The following GRAMD2A variants were observed in gnomAD, a reference collection of about 807,000 sequenced individuals.
GRAMD2A encodes the protein GRAM domain-containing protein 2A.
Under a neutral mutation model 51.1 loss-of-function variants are expected in GRAMD2A, and 37 were observed. The ratio of observed to expected loss-of-function variants is 0.72; its 90% CI spans 0.56 to 0.95. GRAMD2A has a LOEUF of 0.95. GRAMD2A is among the 40% of genes least tolerant of loss of function. The pLI is 0.00. For synonymous variants in GRAMD2A, 136 were observed against 157.1 expected (o/e 0.87, Z 1.01); for missense variants, 414 against 426.9 (o/e 0.97, Z 0.27).
chr15:72,186,928 C>T lies in GRAMD2A; in HGVS notation c.41+10803G>A, dbSNP rs2081738151. Among the ~76,000 whole-genome samples, 3 of 151,618 alleles carry T rather than the reference C, an allele frequency of 2.0e-5. No homozygotes were observed. The South Asian group carries it at 6.3e-4, about 32-fold the overall frequency. ...TTGAGAAGCCGAGACAGGTGGATCA[C>T]CTGAGCTCAGGAGTTCGAGACCAGC... On this transcript the variant is annotated intron_variant, in intron 1 of 11. Coordinates refer to ENST00000309731, the MANE Select transcript of GRAMD2A (RefSeq NM_001012642.3).
Position 72,162,300 on chromosome 15 carries a change from C to T in GRAMD2A, c.1034G>A (p.Ser345Asn). The change falls in exon 11 of 12, where the codon AGT becomes AAT. Residue 345 changes from serine to asparagine, a missense_variant. Coordinates refer to ENST00000309731, the MANE Select transcript of GRAMD2A (RefSeq NM_001012642.3). ...SRLEQQLCSL[S>N]WDDPVPGHR is the part of the protein sequence containing the mutation. ...GTGCCCAGGGACTGGGTCATCCCAA[C>T]TCAAGGAGCATAACTGCTGCTCTAG... 2 of 1,614,052 alleles carry T rather than the reference C, an allele frequency of 1.2e-6. No homozygotes were observed. The highest frequency in any genetic ancestry group is 1.7e-6 in the Non-Finnish European group (2 of 1,179,894).
intron 4 of GRAMD2A, 37 bp from the exon 5 acceptor site, chr15:72,167,876 G>A (rs936865232): frequency 1.3e-6 from 2 of 1,484,736 alleles, no homozygotes; most frequent in African/African-American, 2.8e-5. Flanking sequence ...CCATAAGCAA[G>A]GTCAGCCCAG....
intron 1 of GRAMD2A, chr15:72,173,886 A>C (rs1596688368): frequency 7.3e-6 from 1 of 136,794 alleles, no homozygotes; most frequent in Non-Finnish European, 1.5e-5. Flanking sequence ...CCGAGATCAC[A>C]CCATTGCACT....
Position 72,161,844 on chromosome 15 carries a change from A to C in GRAMD2A, c.*165T>G. 1.4e-6 allele frequency: 1 copy of C among 736,230 alleles called. No individual in the cohort carries two copies. Among genetic ancestry groups the C allele is most frequent in the South Asian group, 1.6e-5 (1 of 61,598 alleles). 45.6% of individuals were successfully genotyped at this position (736,230 alleles called of 1,614,324 possible). On this transcript the variant is annotated 3_prime_UTR_variant, in exon 12 of 12. Coordinates refer to ENST00000309731, the MANE Select transcript of GRAMD2A (RefSeq NM_001012642.3). Reference sequence around the variant, plus strand: ...TGTAAACACGTACTTCAGATCTCTCATAGAGGGAAGAGAAGAGCTGCGGGG... The same window carrying C: ...TGTAAACACGTACTTCAGATCTCTCCTAGAGGGAAGAGAAGAGCTGCGGGG...
intron 1 of GRAMD2A, among the ~76,000 whole-genome samples, chr15:72,184,240 C>T (rs2140557696): frequency 6.6e-6 from 1 of 152,368 alleles, no homozygotes; most frequent in Middle Eastern, 3.4e-3. Flanking sequence ...AGGCAAGAGC[C>T]ACAAGCCTAT....
chr15:72,193,200 C>T (rs934306250), intron 1 of GRAMD2A, among the ~76,000 whole-genome samples: 4 of 151,792 alleles, frequency 2.6e-5, no homozygotes, highest in Non-Finnish European at 4.4e-5. Flanking sequence ...TATTAAAACA[C>T]GCCTCCAGTC....
In GRAMD2A at chr15:72,161,848, A is replaced by G; in HGVS notation, c.*161T>C. 1 of 739,662 alleles carries G rather than the reference A, an allele frequency of 1.4e-6. No homozygotes were observed. The highest frequency in any genetic ancestry group is 2.4e-6 in the Non-Finnish European group (1 of 417,800). 45.8% of individuals were successfully genotyped at this position (739,662 alleles called of 1,614,324 possible). A position where few individuals can be genotyped will look rare whatever the true frequency, so the allele number is the denominator to read the frequency against. On this transcript the variant is annotated 3_prime_UTR_variant, in exon 12 of 12. Transcript: ENST00000309731. ...AACACGTACTTCAGATCTCTCATAG[A>G]GGGAAGAGAAGAGCTGCGGGGAGGA...
rs2050970623 is a variant in GRAMD2A, at chr15:72,161,750, A to G, written c.*259T>C. ...GTGTTTGCTGAAGCTTTGTGTACAG[A>G]ATTCCTCAGTTGGTTCCAAAAAATC... is the stretch of plus-strand genomic sequence containing the variant. On this transcript the variant is annotated 3_prime_UTR_variant, in exon 12 of 12. Coordinates refer to ENST00000309731, the MANE Select transcript of GRAMD2A (RefSeq NM_001012642.3). 2 of 501,524 alleles carry G rather than the reference A, an allele frequency of 4.0e-6. No individual in the cohort carries two copies. Among genetic ancestry groups the G allele is most frequent in the East Asian group, 3.5e-5 (1 of 28,452 alleles). 31.1% of individuals were successfully genotyped at this position (501,524 alleles called of 1,614,324 possible). A position where few individuals can be genotyped will look rare whatever the true frequency, so the allele number is the denominator to read the frequency against.
intron 1 of GRAMD2A, among the ~76,000 whole-genome samples, chr15:72,184,620 G>A (rs184844661): frequency 2.0e-5 from 3 of 152,344 alleles, no homozygotes; most frequent in Admixed American, 2.0e-4. Context: ...CCCAGGCTGG[G>A]CTCGGCCGAG....
chr15:72,189,478 G>C (rs2081754128), intron 1 of GRAMD2A, among the ~76,000 whole-genome samples: 1 of 152,018 alleles, frequency 6.6e-6, no homozygotes, highest in Non-Finnish European at 1.5e-5. Flanking sequence ...GGGGAAACTG[G>C]GTGAAGAATA....
intron 1 of GRAMD2A, among the ~76,000 whole-genome samples, chr15:72,191,362 G>A (rs556485446): frequency 2.0e-5 from 3 of 152,234 alleles, no homozygotes; most frequent in African/African-American, 7.2e-5. Context: ...ACCATGCCCA[G>A]CTAATTTTTG....
chr15:72,189,987 G>A (rs2081756959), intron 1 of GRAMD2A, among the ~76,000 whole-genome samples: 1 of 152,226 alleles, frequency 6.6e-6, no homozygotes, highest in Non-Finnish European at 1.5e-5. Flanking sequence ...AAAAAAAGGT[G>A]CATTGTAACT....
chr15:72,188,603 C>T (rs529668940), intron 1 of GRAMD2A, among the ~76,000 whole-genome samples: 2 of 152,184 alleles, frequency 1.3e-5, no homozygotes, highest in South Asian at 2.1e-4. Context: ...CACTAAAATT[C>T]TAACATTTTC....
chr15:72,189,875 T>C (rs1423253167), intron 1 of GRAMD2A, among the ~76,000 whole-genome samples: 1 of 152,230 alleles, frequency 6.6e-6, no homozygotes, highest in East Asian at 1.9e-4. Flanking sequence ...ATTGACTACA[T>C]GGCTGGAATG....
At chr15:72,176,606 C>T (rs187633292) in intron 1 of GRAMD2A, 1 of 152,390 alleles carries the variant, frequency 6.6e-6, no homozygotes, top group African/African-American at 2.4e-5. Flanking sequence ...ACCCAGAAAC[C>T]AGGGAAATAG....
At chr15:72,182,762 G>A (rs1384336944) in intron 1 of GRAMD2A, among the ~76,000 whole-genome samples, 2 of 152,180 alleles carry the variant, frequency 1.3e-5, no homozygotes, top group Middle Eastern at 3.2e-3. Context: ...TAGAAACAAA[G>A]TAGAATGGTG....
chr15:72,195,415 C>T (rs901797980), intron 1 of GRAMD2A, among the ~76,000 whole-genome samples: 3 of 152,158 alleles, frequency 2.0e-5, no homozygotes, highest in African/African-American at 4.8e-5. Flanking sequence ...AGGACCAGAG[C>T]GAACCTAAGC....
At position 72,194,615 on chromosome 15, in the gene GRAMD2A, C is replaced by T. The variant is rs865776273; in HGVS notation, c.41+3116G>A. ...TCCAGAACTTAAAACTTAGGAAATA[C>T]CTATGATGACGCTTTAGCTGGAAGT... is the stretch of plus-strand genomic sequence containing the variant. On this transcript the variant is annotated intron_variant, in intron 1 of 11. Coordinates refer to ENST00000309731, the MANE Select transcript of GRAMD2A (RefSeq NM_001012642.3). Among the ~76,000 whole-genome samples the T allele has an allele frequency of 3.4e-4, 51 of 152,184 alleles. 1 individual carries two copies. Among genetic ancestry groups the T allele is most frequent in the African/African-American group, 1.0e-3 (43 of 41,520 alleles).
intron 8 of GRAMD2A, 169 bp from the exon 9 acceptor site, chr15:72,163,926 A>G (rs2081511308): frequency 3.2e-6 from 2 of 620,020 alleles, no homozygotes; most frequent in Admixed American, 6.8e-5. Context: ...TAGCAACCAT[A>G]TGCCTCTCCT....
Sources: allele counts gnomAD v4.1 joint callset (sites outside exome capture counted in the v4.1 genomes callset), GRCh38; gene constraint gnomAD v4.1.1; transcripts MANE v1.5; gene names NCBI Gene and HGNC (gene_info 2026-07-23, HGNC 2026-07-21).